The following ITGB5 variants were observed in gnomAD, a reference collection of about 807,000 sequenced individuals.
ITGB5 encodes the protein integrin beta-5.
Under a neutral mutation model 84.8 loss-of-function variants are expected in ITGB5, and 38 were observed. That is an observed-to-expected ratio of 0.45 (90% CI 0.35 to 0.59). The LOEUF (loss-of-function observed/expected upper bound fraction) is 0.59. Ranked by LOEUF, ITGB5 falls within the 20% of genes least tolerant of loss-of-function variation. The pLI is 0.01. For synonymous variants in ITGB5, 393 were observed against 414.4 expected (o/e 0.95, Z 0.63); for missense variants, 905 against 1,034.5 (o/e 0.87, Z 1.72).
At chr3:124,810,656 G>C (rs1396215729) in intron 8 of ITGB5, among the ~76,000 whole-genome samples, 5 of 152,064 alleles carry the variant, frequency 3.3e-5, no homozygotes, top group Non-Finnish European at 5.9e-5. Context: ...CTCTAAGGAA[G>C]ATTCCACTTT....
intron 1 of ITGB5, among the ~76,000 whole-genome samples, chr3:124,875,356 A>G (rs1194226760): frequency 1.3e-5 from 2 of 151,904 alleles, no homozygotes; most frequent in Non-Finnish European, 2.9e-5. Flanking sequence ...TGCACCTCCT[A>G]ATCCCAGCTA....
At chr3:124,787,976 C>G (rs2064105583) in intron 10 of ITGB5, among the ~76,000 whole-genome samples, 1 of 147,430 alleles carries the variant, frequency 6.8e-6, no homozygotes, top group African/African-American at 2.5e-5. Context: ...GGCATGATCT[C>G]TGCTCACTGC....
chr3:124,884,342 G>A (rs771506419), intron 1 of ITGB5, among the ~76,000 whole-genome samples: 5 of 152,188 alleles, frequency 3.3e-5, no homozygotes, highest in Non-Finnish European at 5.9e-5. Flanking sequence ...GAGGTAAGCA[G>A]CAAGTTCTGG....
intron 13 of ITGB5, among the ~76,000 whole-genome samples, chr3:124,765,951 C>T (rs1005966755): frequency 6.0e-5 from 9 of 150,604 alleles, no homozygotes; most frequent in African/African-American, 1.5e-4. Context: ...GCCAGCTGCT[C>T]GGGAGGCTGA....
At chr3:124,783,448 C>T (rs542941570) in intron 10 of ITGB5, among the ~76,000 whole-genome samples, 1 of 152,274 alleles carries the variant, frequency 6.6e-6, no homozygotes, top group Admixed American at 6.5e-5. Context: ...TCTCATTAGC[C>T]TACAAACCCA....
intron 1 of ITGB5, among the ~76,000 whole-genome samples, chr3:124,885,414 AAAAAC>A (rs769156847): frequency 2.0e-5 from 3 of 152,212 alleles, no homozygotes; most frequent in African/African-American, 4.8e-5. Flanking sequence ...ACTAAGATTT[AAAAAC>A]AAAACAAAAG....
At chr3:124,867,051 T>C (rs1364013163) in intron 2 of ITGB5, among the ~76,000 whole-genome samples, 1 of 152,142 alleles carries the variant, frequency 6.6e-6, no homozygotes, top group Non-Finnish European at 1.5e-5. Context: ...CTTCCCAGCC[T>C]CTCACCTGTC....
At chr3:124,804,479 T>C (rs1344476179) in intron 9 of ITGB5, among the ~76,000 whole-genome samples, 1 of 152,028 alleles carries the variant, frequency 6.6e-6, no homozygotes, top group Non-Finnish European at 1.5e-5. Flanking sequence ...GCCTTGGAGT[T>C]AGAGGTTACA....
At chr3:124,894,900 C>T (rs183301141) in intron 1 of ITGB5, among the ~76,000 whole-genome samples, 16 of 152,200 alleles carry the variant, frequency 1.1e-4, no homozygotes, top group African/African-American at 2.2e-4. Context: ...TACACTAATA[C>T]GAACGATAGC....
At chr3:124,852,724 G>C (rs1277244029) in intron 3 of ITGB5, among the ~76,000 whole-genome samples, 1 of 152,050 alleles carries the variant, frequency 6.6e-6, no homozygotes, top group Non-Finnish European at 1.5e-5. Flanking sequence ...GTCTTGTTCT[G>C]TCACCCAGGC....
chr3:124,820,451 G>A (rs1386718144), intron 6 of ITGB5, among the ~76,000 whole-genome samples: 1 of 152,194 alleles, frequency 6.6e-6, no homozygotes, highest in Non-Finnish European at 1.5e-5. Flanking sequence ...GAGGGATTTT[G>A]AGGACTAATG....
chr3:124,830,740 T>G (rs536086960), intron 5 of ITGB5, among the ~76,000 whole-genome samples: 2 of 152,104 alleles, frequency 1.3e-5, no homozygotes, highest in African/African-American at 2.4e-5. Context: ...TCCTAGCCCT[T>G]TGGGAGGCCA....
intron 9 of ITGB5, among the ~76,000 whole-genome samples, chr3:124,801,146 G>A (rs1407089867): frequency 6.6e-6 from 1 of 152,224 alleles, no homozygotes; most frequent in Non-Finnish European, 1.5e-5. Context: ...CGGGAGCGGG[G>A]AGGGGGTGCT....
chr3:124,766,217 C>T lies in ITGB5; in HGVS notation c.2137+9G>A. The T allele has an allele frequency of 6.2e-7, 1 of 1,612,712 alleles. No individual in the cohort carries two copies. Among genetic ancestry groups the T allele is most frequent in the Non-Finnish European group, 8.5e-7 (1 of 1,179,480 alleles). On this transcript the variant is annotated intron_variant, in intron 13 of 14. Transcript: ENST00000296181. ...CTGAGTGGGCCGAGCCCTTGCAGCC[C>T]TCACCTACCTGGCTCCCTGAGGACG...
chr3:124,848,516 T>C lies in ITGB5; in HGVS notation c.404A>G (p.Asp135Gly). Residue 135 changes from aspartate to glycine, a missense_variant, in exon 4 of 15, where the codon GAC becomes GGC. Asp to Gly is a moderately conservative substitution (Grantham distance 94, BLOSUM62 -1). This residue lies in a region of ITGB5 where 656 missense variants were observed against 734.7 expected (regional missense o/e 0.89). Coordinates refer to ENST00000296181, the MANE Select transcript of ITGB5 (RefSeq NM_002213.5). ...CAGGTAGTACAGGTCCACAGGATAGTCCTCCACCTGGCGAACCTGTAGCTG... is the reference window on the plus strand; with the variant it reads ...CAGGTAGTACAGGTCCACAGGATAGCCCTCCACCTGGCGAACCTGTAGCTG... ...TFQLQVRQVE[D>G]YPVDLYYLMD... 1 of 1,613,934 alleles carries C rather than the reference T, an allele frequency of 6.2e-7. No individual in the cohort carries two copies. Among genetic ancestry groups the C allele is most frequent in the East Asian group, 2.2e-5 (1 of 44,876 alleles).
rs1363050189 is a variant in ITGB5, at chr3:124,881,831, G to A, written c.70+5100C>T. Among the ~76,000 whole-genome samples the A allele has an allele frequency of 3.3e-5, 5 of 152,142 alleles. No individual in the cohort carries two copies. In the East Asian group the frequency reaches 5.8e-4, roughly 18 times the overall value. On this transcript the variant is annotated intron_variant, in intron 1 of 14. Transcript: ENST00000296181. ...AAAAATTAAAAAATAAGCCAGGTGC[G>A]GTGGTGTACGCCTGTAATCCCAGCT... is the stretch of plus-strand genomic sequence containing the variant.
At chr3:124,891,593 CAAAA>C (rs59385283), upstream of ITGB5, among the ~76,000 whole-genome samples, 1 of 103,710 alleles carries the variant, frequency 9.6e-6, no homozygotes, top group Non-Finnish European at 2.0e-5. Context: ...ATAACTGCCT[CAAAA>C]AAAAAAAAAA....
intron 1 of ITGB5, among the ~76,000 whole-genome samples, chr3:124,876,950 C>CT (rs1330704652): frequency 1.3e-5 from 2 of 150,912 alleles, no homozygotes; most frequent in East Asian, 1.9e-4. Flanking sequence ...CTTTTCTTTT[C>CT]TTTTTTTTGA....
intron 1 of ITGB5, 98 bp from the exon 2 acceptor site, chr3:124,873,629 G>A: frequency 1.1e-6 from 1 of 922,418 alleles, no homozygotes; most frequent in Non-Finnish European, 1.8e-6. Flanking sequence ...TTTAACAGGA[G>A]GCCTCTCTGA....
Sources: allele counts gnomAD v4.1 joint callset (sites outside exome capture counted in the v4.1 genomes callset), GRCh38; gene constraint gnomAD v4.1.1; regional missense constraint gnomAD v4.1.1; transcripts MANE v1.5; gene names NCBI Gene and HGNC (gene_info 2026-07-23, HGNC 2026-07-21).